The following ACSS3 variants were observed in gnomAD, a reference collection of about 807,000 sequenced individuals.
ACSS3 encodes acyl-CoA synthetase short-chain family member 3, mitochondrial.
ACSS3 carries 64 observed loss-of-function variants against 84.2 expected under a neutral mutation model. The observed-to-expected ratio is 0.76, with a 90% confidence interval of 0.62 to 0.94. The LOEUF (loss-of-function observed/expected upper bound fraction) is 0.94, where lower values mean the gene tolerates loss of function less well. Ranked by LOEUF, ACSS3 falls within the 40% of genes least tolerant of loss-of-function variation. The pLI, the probability that ACSS3 is intolerant of heterozygous loss-of-function variation, is 0.00. For synonymous variants in ACSS3, 317 were observed against 310.1 expected (o/e 1.02, Z -0.23); for missense variants, 815 against 867.6 (o/e 0.94, Z 0.76).
At chr12:81,145,051 C>A (rs1255438626) in intron 5 of ACSS3, among the ~76,000 whole-genome samples, 9 of 149,204 alleles carry the variant, frequency 6.0e-5, no homozygotes, top group Admixed American at 6.0e-4. Flanking sequence ...CAGGCGCCCG[C>A]CACCACGCCT....
intron 1 of ACSS3, among the ~76,000 whole-genome samples, chr12:81,106,008 GT>G (rs1882965519): frequency 6.6e-6 from 1 of 152,174 alleles, no homozygotes; most frequent in African/African-American, 2.4e-5. Flanking sequence ...TACAGCTGGA[GT>G]TGTAAAGTTG....
chr12:81,119,939 A>AAGG (rs1884428776), intron 2 of ACSS3, among the ~76,000 whole-genome samples: 1 of 152,208 alleles, frequency 6.6e-6, no homozygotes, highest in African/African-American at 2.4e-5. Context: ...TAGGGAAGTC[A>AAGG]TAAACGTCCA....
At chr12:81,177,589 T>C (rs541379113) in intron 8 of ACSS3, among the ~76,000 whole-genome samples, 1 of 151,958 alleles carries the variant, frequency 6.6e-6, no homozygotes, top group Non-Finnish European at 1.5e-5. Context: ...ATATCCAGAA[T>C]CTACAATGAA....
intron 13 of ACSS3, among the ~76,000 whole-genome samples, chr12:81,234,728 CA>C (rs2033575267): frequency 6.6e-6 from 1 of 151,216 alleles, no homozygotes; most frequent in Non-Finnish European, 1.5e-5. Context: ...ATCTTCAGCC[CA>C]TTTTTTTAAA....
intron 8 of ACSS3, among the ~76,000 whole-genome samples, chr12:81,184,471 C>G (rs2031133124): frequency 6.6e-6 from 1 of 151,354 alleles, no homozygotes; most frequent in African/African-American, 2.4e-5. Context: ...TACAGAAAAA[C>G]CATAAAAATA....
At chr12:81,220,295 A>C (rs1336508071) in intron 11 of ACSS3, among the ~76,000 whole-genome samples, 1 of 152,070 alleles carries the variant, frequency 6.6e-6, no homozygotes, top group Non-Finnish European at 1.5e-5. Context: ...AATTTTGCAT[A>C]TTTTTAAATA....
intron 8 of ACSS3, among the ~76,000 whole-genome samples, chr12:81,177,662 C>G (rs549777270): frequency 6.6e-6 from 1 of 152,278 alleles, no homozygotes; most frequent in East Asian, 1.9e-4. Context: ...AGGACATGAA[C>G]AGACACATCT....
chr12:81,154,866 C>CT (rs1364636837), intron 7 of ACSS3, among the ~76,000 whole-genome samples: 2 of 152,200 alleles, frequency 1.3e-5, no homozygotes, highest in East Asian at 3.9e-4. Flanking sequence ...CATGTTGTTT[C>CT]TTTTTTCTGG....
At chr12:81,173,583 C>T (rs1003329671) in intron 7 of ACSS3, among the ~76,000 whole-genome samples, 8 of 152,048 alleles carry the variant, frequency 5.3e-5, no homozygotes, top group African/African-American at 7.2e-5. Flanking sequence ...GGACAACTAT[C>T]TTATACCTCA....
intron 10 of ACSS3, 82 bp from the exon 11 acceptor site, chr12:81,219,931 G>C (rs557025265): frequency 2.6e-4 from 233 of 900,272 alleles, no homozygotes; most frequent in Non-Finnish European, 3.4e-4. Context: ...AGAGCTTTTT[G>C]GGTTGAATAT....
intron 12 of ACSS3, among the ~76,000 whole-genome samples, chr12:81,233,005 T>A (rs2033515157): frequency 6.6e-6 from 1 of 151,662 alleles, no homozygotes; most frequent in Non-Finnish European, 1.5e-5. Context: ...AAAGAAGAAA[T>A]GTATCAAAGA....
At chr12:81,164,030 T>C (rs1887284350) in intron 7 of ACSS3, among the ~76,000 whole-genome samples, 1 of 152,202 alleles carries the variant, frequency 6.6e-6, no homozygotes, top group African/African-American at 2.4e-5. Context: ...ATATGTAGTA[T>C]TGTACAATAA....
intron 8 of ACSS3, among the ~76,000 whole-genome samples, chr12:81,180,807 C>T (rs1048797052): frequency 2.6e-5 from 4 of 152,108 alleles, no homozygotes; most frequent in East Asian, 1.9e-4. Flanking sequence ...TGAGCCACTG[C>T]GCCAGGTCAT....
At chr12:81,192,512 T>A (rs1018839493) in intron 8 of ACSS3, among the ~76,000 whole-genome samples, 3 of 152,202 alleles carry the variant, frequency 2.0e-5, no homozygotes, top group Admixed American at 2.0e-4. Context: ...GAAGATCACT[T>A]CTATTCATTA....
chr12:81,192,118 G>A (rs369764095), intron 8 of ACSS3, among the ~76,000 whole-genome samples: 5 of 151,968 alleles, frequency 3.3e-5, no homozygotes, highest in African/African-American at 4.8e-5. Context: ...GCGGTGGCTC[G>A]TGCCTGTAAT....
At chr12:81,155,775 A>G (rs1183001287) in intron 7 of ACSS3, among the ~76,000 whole-genome samples, 1 of 152,188 alleles carries the variant, frequency 6.6e-6, no homozygotes, top group Non-Finnish European at 1.5e-5. Context: ...TTCTGATATG[A>G]TGTGTGCCTA....
intron 13 of ACSS3, among the ~76,000 whole-genome samples, chr12:81,250,583 AG>A (rs1312161969): frequency 6.6e-6 from 1 of 152,142 alleles, no homozygotes; most frequent in Non-Finnish European, 1.5e-5. Flanking sequence ...AAAGTGAAAG[AG>A]TGGCAGACTA....
chr12:81,142,978 C>A, intron 4 of ACSS3, 129 bp from the exon 5 acceptor site: 1 of 832,874 alleles, frequency 1.2e-6, no homozygotes, highest in Non-Finnish European at 1.7e-6. Context: ...AGTCATAAAT[C>A]TGATGTTCAG....
At position 81,139,270 on chromosome 12, in the gene ACSS3, T is replaced by A. The variant is rs1885962898; in HGVS notation, c.780+5T>A. The stretch of plus-strand genomic sequence containing the variant: ...ATTTATAATCGTCCAAATATGGTAA[T>A]CTGAATATTGAATTTGGTTCTTGCT... On this transcript the variant is annotated splice_donor_5th_base_variant and intron_variant, in intron 4 of 15. Transcript: ENST00000548058. 6.2e-7 allele frequency: 1 copy of A among 1,613,514 alleles called. No homozygotes were observed. The highest frequency in any genetic ancestry group is 8.5e-7 in the Non-Finnish European group (1 of 1,179,722).
Sources: allele counts gnomAD v4.1 joint callset (sites outside exome capture counted in the v4.1 genomes callset), GRCh38; gene constraint gnomAD v4.1.1; transcripts MANE v1.5; gene names NCBI Gene and HGNC (gene_info 2026-07-23, HGNC 2026-07-21).